DOCK3: variants seen among roughly 807,000 people sequenced by gnomAD.
The protein encoded by DOCK3 is dedicator of cytokinesis 3.
A neutral mutation model predicts 265.6 loss-of-function variants in DOCK3; 60 were observed. That is an observed-to-expected ratio of 0.23 (90% confidence interval 0.18 to 0.28). DOCK3 has a LOEUF of 0.28. Ranked by LOEUF, DOCK3 falls within the 10% of genes least tolerant of loss-of-function variation. The pLI is 1.00. For missense variants in DOCK3, 1,981 were observed against 2,594.3 expected, an observed-to-expected ratio of 0.76 and a Z score of 5.14; for synonymous variants, 881 against 938.0, an observed-to-expected ratio of 0.94 and a Z score of 1.11.
chr3:50,727,774 T>G (rs943780627), intron 1 of DOCK3, among the ~76,000 whole-genome samples: 2 of 152,164 alleles, frequency 1.3e-5, no homozygotes, highest in Non-Finnish European at 1.5e-5. Flanking sequence ...GCATGCACAG[T>G]TAATAGAGCT....
At chr3:51,152,438 G>A (rs1275629346) in intron 10 of DOCK3, among the ~76,000 whole-genome samples, 1 of 151,754 alleles carries the variant, frequency 6.6e-6, no homozygotes, top group Non-Finnish European at 1.5e-5. Context: ...TGGGTTTGAA[G>A]ATCCTCCTTT....
At chr3:50,895,987 G>A (rs1434140576) in intron 4 of DOCK3, among the ~76,000 whole-genome samples, 1 of 152,150 alleles carries the variant, frequency 6.6e-6, no homozygotes, top group Non-Finnish European at 1.5e-5. Context: ...ACATACGCAT[G>A]CATGTGTCTC....
chr3:50,962,564 C>CT, intron 5 of DOCK3, among the ~76,000 whole-genome samples: 1 of 152,310 alleles, frequency 6.6e-6, no homozygotes, highest in Non-Finnish European at 1.5e-5. Context: ...GTTTACACCA[C>CT]TTTTCTTTCT....
chr3:51,307,225 C>G (rs1172945727), intron 27 of DOCK3, among the ~76,000 whole-genome samples: 1 of 152,112 alleles, frequency 6.6e-6, no homozygotes, highest in Non-Finnish European at 1.5e-5. Flanking sequence ...AAGAAATCCT[C>G]CCACTTCAAC....
chr3:51,362,169 A>C (rs938805047), intron 48 of DOCK3, among the ~76,000 whole-genome samples, 172 bp downstream of exon 48: 1 of 152,178 alleles, frequency 6.6e-6, no homozygotes, highest in African/African-American at 2.4e-5. Context: ...CACCATCCTA[A>C]GTCTCGGTTC....
intron 24 of DOCK3, among the ~76,000 whole-genome samples, chr3:51,271,428 A>G (rs764369895): frequency 2.0e-5 from 3 of 152,180 alleles, no homozygotes; most frequent in Non-Finnish European, 4.4e-5. Context: ...GTGTTCTCAC[A>G]TAGCAGAAGG....
At chr3:50,871,739 C>T (rs1279250312) in intron 3 of DOCK3, among the ~76,000 whole-genome samples, 4 of 152,090 alleles carry the variant, frequency 2.6e-5, no homozygotes, top group Non-Finnish European at 5.9e-5. Context: ...TGTGTATTTT[C>T]AAATAGCCTG....
At chr3:50,959,530 T>TTG (rs201803035) in intron 5 of DOCK3, among the ~76,000 whole-genome samples, 1,477 of 146,132 alleles carry the variant, frequency 0.01, 25 homozygotes, top group African/African-American at 0.033. Flanking sequence ...TCTTTTTATG[T>TTG]TGTGTGTGTG....
intron 25 of DOCK3, among the ~76,000 whole-genome samples, chr3:51,275,804 G>A (rs1576624443): frequency 1.3e-5 from 2 of 152,118 alleles, no homozygotes; most frequent in East Asian, 3.8e-4. Flanking sequence ...AGAAATCAGT[G>A]GTAAGAGGGG....
At chr3:51,011,025 C>T (rs968718285) in intron 5 of DOCK3, among the ~76,000 whole-genome samples, 7 of 152,036 alleles carry the variant, frequency 4.6e-5, no homozygotes, top group East Asian at 1.9e-4. Flanking sequence ...GTGGGTAACC[C>T]GACCTTTCTC....
chr3:50,990,379 G>T (rs2078062015), intron 5 of DOCK3, among the ~76,000 whole-genome samples: 1 of 152,120 alleles, frequency 6.6e-6, no homozygotes, highest in Admixed American at 6.5e-5. Context: ...AGGTTGAAAT[G>T]AAAGAAAGAA....
intron 27 of DOCK3, among the ~76,000 whole-genome samples, chr3:51,294,144 G>A (rs537587923): frequency 6.6e-6 from 1 of 152,288 alleles, no homozygotes; most frequent in East Asian, 1.9e-4. Flanking sequence ...ACACTCCCAT[G>A]TTCATTGCAG....
chr3:50,803,970 C>G (rs2043232412), intron 2 of DOCK3, among the ~76,000 whole-genome samples: 1 of 151,864 alleles, frequency 6.6e-6, no homozygotes, highest in Non-Finnish European at 1.5e-5. Flanking sequence ...AGAGGGGCTC[C>G]TCACTTCTCA....
At chr3:51,090,181 T>C (rs1196921039) in intron 8 of DOCK3, 49 bp from the exon 9 acceptor site, 4 of 1,504,280 alleles carry the variant, frequency 2.7e-6, no homozygotes, top group East Asian at 2.5e-5. Context: ...ATGATCAATA[T>C]AAAAAATAAC....
intron 1 of DOCK3, among the ~76,000 whole-genome samples, chr3:50,680,665 C>T (rs2034343083): frequency 1.3e-5 from 2 of 151,432 alleles, no homozygotes; most frequent in Admixed American, 6.6e-5. Context: ...GCCACCATGC[C>T]CAGCGAATTT....
At chr3:50,719,375 A>G (rs1437502423) in intron 1 of DOCK3, 9 of 419,328 alleles carry the variant, frequency 2.1e-5, no homozygotes, top group East Asian at 3.9e-5. Flanking sequence ...ACCTGCAGCA[A>G]GAGCACAGTG....
rs2081034774 is a variant in DOCK3 at position 51,280,112 on chromosome 3, T to A, written c.2830T>A (p.Tyr944Asn). The A allele has an allele frequency of 6.2e-7, 1 of 1,613,308 alleles. No individual in the cohort carries two copies. The highest frequency in any genetic ancestry group is 8.5e-7 in the Non-Finnish European group (1 of 1,179,726). Residue 944 changes from tyrosine (Y) to asparagine (N), a missense_variant, in exon 27 of 53, where the codon TAT becomes AAT. By Grantham distance (143) the Tyr-to-Asn change is moderately radical (BLOSUM62 -2). This residue lies in a region of DOCK3 where 1,357 missense variants were observed against 1,866.8 expected (regional missense o/e 0.73). Coordinates refer to ENST00000266037, the MANE Select transcript of DOCK3 (RefSeq NM_004947.5). ...TTTTTGGGTTGGTCCCTAGGGCGAG[T>A]ATGTGTCCTGCCTTCTCTCACTGCT... Reference protein sequence around the residue: ...PQCTAEITGEYVSCLLSLLRQ... With the variant: ...PQCTAEITGENVSCLLSLLRQ...
At chr3:50,900,946 C>T (rs924588426) in intron 4 of DOCK3, 8 of 425,722 alleles carry the variant, frequency 1.9e-5, no homozygotes, top group East Asian at 1.5e-4. Flanking sequence ...TCAGGAGGCA[C>T]GGGGGTCAGG....
chr3:50,962,859 G>A (rs370649938), intron 5 of DOCK3, among the ~76,000 whole-genome samples: 2 of 152,076 alleles, frequency 1.3e-5, no homozygotes, highest in African/African-American at 4.8e-5. Context: ...AATTAACCTC[G>A]ATTTTAAATG....
Sources: gnomAD v4.1 joint callset for allele counts (sites outside exome capture counted in the v4.1 genomes callset) on GRCh38, gnomAD v4.1.1 for gene constraint, gnomAD v4.1.1 regional missense constraint, MANE v1.5 for transcripts, NCBI Gene and HGNC (gene_info 2026-07-23, HGNC 2026-07-21) for gene names.